The following MAP4K4 variants were observed in gnomAD, a reference collection of about 807,000 sequenced individuals.
The protein encoded by MAP4K4 is mitogen-activated protein kinase kinase kinase kinase 4, also known as HPK/GCK-like kinase HGK.
MAP4K4 carries 38 observed loss-of-function variants against 189.6 expected under a neutral mutation model. The observed-to-expected ratio is 0.20, with a 90% CI of 0.15 to 0.26. The LOEUF is 0.26. Ranked by LOEUF, MAP4K4 falls within the 10% of genes least tolerant of loss-of-function variation. The pLI, the probability that MAP4K4 is intolerant of heterozygous loss-of-function variation, is 1.00. For synonymous variants in MAP4K4, 610 were observed against 624.3 expected (o/e 0.98, Z 0.34); for missense variants, 1,054 against 1,726.9 (o/e 0.61, Z 6.91).
intron 15 of MAP4K4, 171 bp from the exon 16 acceptor site, chr2:101,860,654 A>C (rs1225769476): frequency 1.8e-6 from 1 of 547,328 alleles, no homozygotes; most frequent in East Asian, 3.0e-5. Flanking sequence ...TCCTGAATCT[A>C]ATCCTAGCAC....
intron 2 of MAP4K4, among the ~76,000 whole-genome samples, chr2:101,744,693 TC>T (rs2064397515): frequency 1.3e-5 from 2 of 152,042 alleles, no homozygotes; most frequent in South Asian, 4.1e-4. Context: ...GCCAGCCTCT[TC>T]CCTCGCTTGA....
chr2:101,873,418 A>G (rs900153993), intron 24 of MAP4K4, among the ~76,000 whole-genome samples: 1 of 150,182 alleles, frequency 6.7e-6, no homozygotes, highest in Non-Finnish European at 1.5e-5. Context: ...TAAGTGAGCA[A>G]TGTCTCTGGT....
intron 20 of MAP4K4, 166 bp downstream of exon 20, chr2:101,867,475 T>C (rs2097850445): frequency 3.4e-6 from 2 of 587,254 alleles, no homozygotes; most frequent in South Asian, 4.1e-5. Context: ...TCCCTTCCAT[T>C]GGTATCGTCT....
chr2:101,893,997 C>T (rs2098599083), exon 33 of MAP4K4: 1 of 152,236 alleles, frequency 6.6e-6, no homozygotes, highest in Non-Finnish European at 1.5e-5. Context: ...TTAGCCTCAC[C>T]CCCTTGTCAA....
At chr2:101,765,279 G>A (rs149183590) in intron 2 of MAP4K4, among the ~76,000 whole-genome samples, 312 of 152,276 alleles carry the variant, frequency 2.0e-3, no homozygotes, top group Middle Eastern at 0.014. Flanking sequence ...AAGGATTGTT[G>A]TTTTTCTTAG....
chr2:101,846,822 G>A (rs1185574229), intron 12 of MAP4K4, among the ~76,000 whole-genome samples: 1 of 152,132 alleles, frequency 6.6e-6, no homozygotes, highest in Non-Finnish European at 1.5e-5. Flanking sequence ...TGGATTTTTG[G>A]TCAGCTAGCT....
At position 101,740,151 on chromosome 2, in the gene MAP4K4, C is replaced by CTT. The variant is rs71250687; in HGVS notation, c.123+41632_123+41633dup. On this transcript the variant is annotated intron_variant, in intron 2 of 32. Coordinates refer to ENST00000324219, the Ensembl canonical transcript of MAP4K4. ...TGGCTTCAAAGTTGCTTTATATCAT[C>CTT]TTTTTTTTTTTTTTTTTTTTGAGAC... is the stretch of plus-strand genomic sequence containing the variant. Among the ~76,000 whole-genome samples the CTT allele has an allele frequency of 4.4e-3, 384 of 87,178 alleles. 32 individuals carry two copies. Among genetic ancestry groups the CTT allele is most frequent in the East Asian group, 9.3e-3 (30 of 3,230 alleles). 57.2% of individuals were successfully genotyped at this position (87,178 alleles called of 152,430 possible).
In MAP4K4 at chr2:101,829,499, T is replaced by C; in HGVS notation, c.418-5T>C. The C allele has an allele frequency of 1.2e-6, 2 of 1,602,466 alleles. No individual in the cohort carries two copies. The highest frequency in any genetic ancestry group is 4.5e-5 in the East Asian group (2 of 44,742). ...CTAAAATTCAGGTCTGTCTTTCCTA[T>C]TCAGGGACTGGCACATCTTCACATT... On this transcript the variant is annotated splice_region_variant and splice_polypyrimidine_tract_variant and intron_variant, in intron 5 of 32. Transcript: ENST00000324219.
At position 101,869,805 on chromosome 2, in the gene MAP4K4, C is replaced by T. The variant is rs1191473421; in HGVS notation, c.2639+8C>T. ...AGAGGACACCAGAGCAGCGTCAGTC[C>T]CCGGTCTCTTTTAGAGCGGATGAGA... On this transcript the variant is annotated splice_region_variant and intron_variant, in intron 22 of 32. Transcript: ENST00000324219. 6.5e-7 allele frequency: 1 copy of T among 1,538,590 alleles called. No individual in the cohort carries two copies. Among genetic ancestry groups the T allele is most frequent in the African/African-American group, 1.4e-5 (1 of 72,764 alleles).
Position 101,757,879 on chromosome 2 carries a change from T to C in MAP4K4, c.124-32841T>C, listed in dbSNP as rs560595849. Among the ~76,000 whole-genome samples, 3 of 152,104 alleles carry C rather than the reference T, an allele frequency of 2.0e-5. No individual in the cohort carries two copies. The South Asian group carries it at 6.2e-4, about 32-fold the overall frequency. ...TACTAAAAATAGAAAAAATTATTTT[T>C]ACAGGCGTGGTGGTACACGCCTGTA... On this transcript the variant is annotated intron_variant, in intron 2 of 32. Coordinates refer to ENST00000324219, the Ensembl canonical transcript of MAP4K4.
chr2:101,833,892 CA>C (rs1281052044), intron 7 of MAP4K4, among the ~76,000 whole-genome samples: 1 of 152,100 alleles, frequency 6.6e-6, no homozygotes, highest in Non-Finnish European at 1.5e-5. Flanking sequence ...ATTAGTGAAC[CA>C]CATTAGGTTT....
intron 1 of MAP4K4, 135 bp downstream of exon 1, chr2:101,698,272 T>C (rs2149086915): frequency 4.6e-6 from 2 of 435,356 alleles, no homozygotes; most frequent in Non-Finnish European, 7.0e-6. Context: ...TTTGTCTTCC[T>C]GTGCGGGCTG....
At chr2:101,766,505 A>G (rs1295748788) in intron 2 of MAP4K4, among the ~76,000 whole-genome samples, 2 of 152,168 alleles carry the variant, frequency 1.3e-5, no homozygotes, top group Admixed American at 6.5e-5. Context: ...ACTTCATGCA[A>G]TATAAATACA....
Position 101,752,880 on chromosome 2 carries a change from T to G in MAP4K4, c.124-37840T>G, listed in dbSNP as rs549538496. On this transcript the variant is annotated intron_variant, in intron 2 of 32. Coordinates refer to ENST00000324219, the Ensembl canonical transcript of MAP4K4. ...AACCGTGTCAGGCTCAGGAGACCTG[T>G]TTCTGTTTCTACTGGTGCCAGGCTC... Among the ~76,000 whole-genome samples the G allele has an allele frequency of 5.3e-5, 8 of 152,262 alleles. No individual in the cohort carries two copies. The South Asian group carries it at 1.7e-3, about 32-fold the overall frequency.
intron 12 of MAP4K4, among the ~76,000 whole-genome samples, chr2:101,853,252 A>G (rs1013839084): frequency 6.6e-6 from 1 of 152,220 alleles, no homozygotes; most frequent in African/African-American, 2.4e-5. Flanking sequence ...AATCTCTACC[A>G]TGAAAGATTT....
intron 3 of MAP4K4, among the ~76,000 whole-genome samples, chr2:101,817,771 A>G (rs1559056857): frequency 1.3e-5 from 2 of 152,258 alleles, no homozygotes; most frequent in Admixed American, 6.5e-5. Flanking sequence ...TAGCAGAACT[A>G]GAAAGAGGAT....
At chr2:101,802,104 A>G (rs1480172021) in intron 3 of MAP4K4, among the ~76,000 whole-genome samples, 4 of 152,172 alleles carry the variant, frequency 2.6e-5, no homozygotes, top group African/African-American at 9.7e-5. Context: ...TGAAATCATA[A>G]TATGTTTTAA....
At chr2:101,878,779 C>A (rs1275661353) in intron 27 of MAP4K4, among the ~76,000 whole-genome samples, 2 of 152,048 alleles carry the variant, frequency 1.3e-5, no homozygotes, top group East Asian at 3.9e-4. Context: ...ATGATACCAC[C>A]AGTGATTTTT....
At chr2:101,808,311 CTTA>C (rs2095145242) in intron 3 of MAP4K4, among the ~76,000 whole-genome samples, 1 of 152,166 alleles carries the variant, frequency 6.6e-6, no homozygotes, top group African/African-American at 2.4e-5. Flanking sequence ...CTGCGTCTTC[CTTA>C]TAGCTACAGA....
Sources: gnomAD v4.1 joint callset for allele counts (sites outside exome capture counted in the v4.1 genomes callset) on GRCh38, gnomAD v4.1.1 for gene constraint, MANE v1.5 for transcripts, NCBI Gene and HGNC (gene_info 2026-07-23, HGNC 2026-07-21) for gene names.